UNC5C: variants seen among roughly 807,000 people sequenced by gnomAD.
UNC5C encodes the protein netrin receptor UNC5C.
UNC5C carries 47 observed loss-of-function variants against 99.8 expected under a neutral mutation model. The observed-to-expected ratio is 0.47, with a 90% CI of 0.37 to 0.60. The LOEUF is 0.60. UNC5C is among the 20% of genes least tolerant of loss of function. UNC5C has a pLI of 0.00. For synonymous variants in UNC5C, 487 were observed against 452.2 expected (o/e 1.08, Z -0.98); for missense variants, 1,062 against 1,165.9 (o/e 0.91, Z 1.30).
At chr4:95,431,835 G>T (rs1246417680) in intron 1 of UNC5C, among the ~76,000 whole-genome samples, 1 of 152,018 alleles carries the variant, frequency 6.6e-6, no homozygotes, top group Non-Finnish European at 1.5e-5. Flanking sequence ...AGACATTCCT[G>T]ACCTATAGCT....
At chr4:95,223,528 A>T (rs576914511) in intron 7 of UNC5C, among the ~76,000 whole-genome samples, 2 of 152,262 alleles carry the variant, frequency 1.3e-5, no homozygotes, top group Non-Finnish European at 2.9e-5. Context: ...TTCTGGAGAA[A>T]CATGCAGTGC....
At chr4:95,369,248 A>G (rs963087950) in intron 1 of UNC5C, among the ~76,000 whole-genome samples, 1 of 151,938 alleles carries the variant, frequency 6.6e-6, no homozygotes, top group Non-Finnish European at 1.5e-5. Flanking sequence ...GTTTTCATAA[A>G]ATTTATAGTT....
intron 14 of UNC5C, among the ~76,000 whole-genome samples, chr4:95,177,088 G>A (rs1016691819): frequency 6.6e-6 from 1 of 152,128 alleles, no homozygotes; most frequent in Non-Finnish European, 1.5e-5. Context: ...GCAATGCCTT[G>A]CCCTCCTTCG....
In UNC5C at chr4:95,219,294, T is replaced by A. The variant is rs370344867; in HGVS notation, c.1320A>T (p.Pro440=). ...AARQDLLAVP[P]DLTSAAAMYR... is the part of the protein sequence containing the mutation. ...ACATGGCTGCAGCTGACGTGAGGTCTGGGGGTACAGCCAGCAGATCTGAGT... is the reference window on the plus strand; with the variant it reads ...ACATGGCTGCAGCTGACGTGAGGTCAGGGGGTACAGCCAGCAGATCTGAGT... Residue 440 remains proline (P), a synonymous_variant, in exon 9 of 16, where the codon CCA becomes CCT. Transcript: ENST00000453304. 16 of 1,613,646 alleles carry A rather than the reference T, an allele frequency of 9.9e-6. No individual in the cohort carries two copies. The highest frequency in any genetic ancestry group is 1.3e-5 in the Non-Finnish European group (15 of 1,179,738).
rs369199842 is a variant in UNC5C, at chr4:95,244,949, C to T, written c.943+28G>A. On this transcript the variant is annotated intron_variant, in intron 6 of 15. Transcript: ENST00000453304. ...CATGTTTCTTGAATAATAGGAGATA[C>T]TTGGAATGAGAGGACTGGTTTATTT... The T allele has an allele frequency of 3.7e-6, 6 of 1,611,890 alleles. No homozygotes were observed. In the African/African-American group the frequency reaches 6.7e-5, roughly 18 times the overall value.
intron 1 of UNC5C, among the ~76,000 whole-genome samples, chr4:95,538,769 T>C (rs1033321057): frequency 2.0e-5 from 3 of 152,312 alleles, no homozygotes; most frequent in South Asian, 4.1e-4. Context: ...ATTATGTAAA[T>C]ATTCATATGT....
rs763779157 is a variant in UNC5C, at chr4:95,245,043, G to C, written c.877C>G (p.Leu293Val). The change falls in exon 6 of 16, where the codon CTC becomes GTC. Residue 293 changes from leucine (L) to valine (V), a missense_variant. Transcript: ENST00000453304. The part of the protein sequence containing the change: ...RTRTCTNPAP[L>V]NGGAFCEGQS... ...CCTTCACAGAAGGCACCCCCATTGAGTGGTGCCGGGTTGGTACAAGTCCTT... is the reference window on the plus strand; with the variant it reads ...CCTTCACAGAAGGCACCCCCATTGACTGGTGCCGGGTTGGTACAAGTCCTT... The C allele has an allele frequency of 5.6e-6, 9 of 1,614,086 alleles. No individual in the cohort carries two copies. In the South Asian group the frequency reaches 9.9e-5, roughly 18 times the overall value.
chr4:95,197,229 C>G (rs1737468171), intron 12 of UNC5C, among the ~76,000 whole-genome samples: 1 of 150,702 alleles, frequency 6.6e-6, no homozygotes, highest in Non-Finnish European at 1.5e-5. Flanking sequence ...TTGAAATACA[C>G]AGCTCCAGAC....
At chr4:95,357,531 C>A (rs1052056905) in intron 1 of UNC5C, among the ~76,000 whole-genome samples, 1 of 151,910 alleles carries the variant, frequency 6.6e-6, no homozygotes, top group Non-Finnish European at 1.5e-5. Context: ...GCCTGTAATC[C>A]CAGCACTTTG....
intron 1 of UNC5C, among the ~76,000 whole-genome samples, chr4:95,384,308 G>A (rs1296147837): frequency 6.6e-6 from 1 of 152,170 alleles, no homozygotes; most frequent in Non-Finnish European, 1.5e-5. Flanking sequence ...GTGTCATGGA[G>A]AGAGAGGTTG....
intron 7 of UNC5C, among the ~76,000 whole-genome samples, chr4:95,226,159 A>G (rs1439322728): frequency 3.3e-5 from 5 of 152,212 alleles, no homozygotes; most frequent in African/African-American, 1.2e-4. Flanking sequence ...TTCAAAAGTT[A>G]GGGATTTCAG....
At chr4:95,186,748 G>A (rs1260261522) in intron 12 of UNC5C, among the ~76,000 whole-genome samples, 2 of 152,170 alleles carry the variant, frequency 1.3e-5, no homozygotes, top group Admixed American at 6.5e-5. Context: ...CTGCCTGAGA[G>A]TATTGACCTG....
chr4:95,314,832 T>A (rs1039383808), intron 2 of UNC5C, among the ~76,000 whole-genome samples: 3 of 152,210 alleles, frequency 2.0e-5, no homozygotes, highest in Non-Finnish European at 4.4e-5. Flanking sequence ...TTAAACACTA[T>A]GACCTAGTAT....
chr4:95,400,246 T>C (rs994986138), intron 1 of UNC5C, among the ~76,000 whole-genome samples: 1 of 152,164 alleles, frequency 6.6e-6, no homozygotes, highest in African/African-American at 2.4e-5. Context: ...CATTATACCT[T>C]GCTGGCTTTG....
intron 7 of UNC5C, among the ~76,000 whole-genome samples, chr4:95,232,209 T>C (rs146260497): frequency 0.042 from 6,309 of 150,900 alleles, 159 homozygotes; most frequent in South Asian, 0.098. Flanking sequence ...TTATGTTTTA[T>C]ATAAGTGTTA....
At chr4:95,486,915 T>A (rs931894277) in intron 1 of UNC5C, among the ~76,000 whole-genome samples, 13 of 151,648 alleles carry the variant, frequency 8.6e-5, no homozygotes, top group Non-Finnish European at 1.5e-4. Context: ...ATGGGAGGTA[T>A]TTAGGTCATC....
intron 1 of UNC5C, among the ~76,000 whole-genome samples, chr4:95,466,605 C>T (rs1747787389): frequency 6.6e-6 from 1 of 151,732 alleles, no homozygotes; most frequent in Non-Finnish European, 1.5e-5. Context: ...TTAATTAATG[C>T]TATAGTTGTT....
rs751983361 is a variant in UNC5C, at chr4:95,548,850, T to C, written c.8A>G (p.Lys3Arg). The C allele has an allele frequency of 6.8e-6, 11 of 1,612,936 alleles. No homozygotes were observed. The highest frequency in any genetic ancestry group is 9.3e-6 in the Non-Finnish European group (11 of 1,179,796). MR[K>R]GLRATAARCG... ...GCGGGCCGCTGTCGCCCGCAGACCT[T>C]TCCTCATCGTAGACAGAGGTGTGCC... Residue 3 changes from lysine (K) to arginine (R), a missense_variant, in exon 1 of 16, where the codon AAA becomes AGA. Around this residue, in one of 3 missense-constraint regions of UNC5C, gnomAD observed 249 missense variants for 295.1 expected, o/e 0.84. Transcript: ENST00000453304.
At chr4:95,339,940 T>C (rs1743500134) in intron 1 of UNC5C, among the ~76,000 whole-genome samples, 3 of 152,148 alleles carry the variant, frequency 2.0e-5, no homozygotes, top group African/African-American at 7.2e-5. Flanking sequence ...ATATTTGACT[T>C]AATTTTCCAC....
Sources: gnomAD v4.1 joint callset for allele counts (sites outside exome capture counted in the v4.1 genomes callset) on GRCh38, gnomAD v4.1.1 for gene constraint, gnomAD v4.1.1 regional missense constraint, MANE v1.5 for transcripts, NCBI Gene and HGNC (gene_info 2026-07-23, HGNC 2026-07-21) for gene names.